Variants in TANC2 observed in about 807,000 individuals in gnomAD.
The protein encoded by TANC2 is tetratricopeptide repeat, ankyrin repeat and coiled-coil containing 2.
A neutral mutation model predicts 210.5 loss-of-function variants in TANC2; 26 were observed. The ratio of observed to expected loss-of-function variants is 0.12; its 90% CI spans 0.09 to 0.17. The LOEUF (loss-of-function observed/expected upper bound fraction) is 0.17, where lower values mean the gene tolerates loss of function less well. Ranked by LOEUF, TANC2 falls within the 10% of genes least tolerant of loss-of-function variation. TANC2 has a pLI of 1.00. For missense variants in TANC2, 2,129 were observed against 2,608.9 expected (o/e 0.82, Z 4.01); for synonymous variants, 931 against 967.1 (o/e 0.96, Z 0.69).
intron 4 of TANC2, among the ~76,000 whole-genome samples, chr17:63,146,245 GA>G (rs1262167784): frequency 8.6e-5 from 13 of 151,918 alleles, no homozygotes; most frequent in African/African-American, 3.1e-4. Context: ...ACTAACTTGT[GA>G]GTTGATTATG....
intron 4 of TANC2, among the ~76,000 whole-genome samples, chr17:63,137,439 T>C (rs1211777618): frequency 6.6e-6 from 1 of 152,248 alleles, no homozygotes; most frequent in Non-Finnish European, 1.5e-5. Context: ...GTTTCCCTTG[T>C]AATTCTTCTT....
intron 4 of TANC2, among the ~76,000 whole-genome samples, chr17:63,103,726 G>A (rs2037718020): frequency 6.6e-6 from 1 of 152,172 alleles, no homozygotes; most frequent in Non-Finnish European, 1.5e-5. Flanking sequence ...TGCTTTTCAT[G>A]TTAGATACCA....
At position 63,322,492 on chromosome 17, in the gene TANC2, C is replaced by T. The variant is rs529220841; in HGVS notation, c.1575+3402C>T. On this transcript the variant is annotated intron_variant, in intron 11 of 27. Transcript: ENST00000689528. ...CAGCCTGGGCGACAGAGCAAGACTACGTCTCAAAAAAAAAGAACAGACTAA... is the reference window on the plus strand; with the variant it reads ...CAGCCTGGGCGACAGAGCAAGACTATGTCTCAAAAAAAAAGAACAGACTAA... 1.9e-4 allele frequency among the ~76,000 whole-genome samples: 29 copies of T among 151,772 alleles called. No homozygotes were observed. The South Asian group carries it at 4.8e-3, about 25-fold the overall frequency.
At chr17:63,221,310 G>T (rs898960277) in intron 7 of TANC2, among the ~76,000 whole-genome samples, 1 of 151,764 alleles carries the variant, frequency 6.6e-6, no homozygotes, top group Non-Finnish European at 1.5e-5. Flanking sequence ...GGTGGTGGTG[G>T]TGTGTGCCTG....
chr17:63,130,342 G>C (rs1567749030), intron 4 of TANC2, among the ~76,000 whole-genome samples: 1 of 151,678 alleles, frequency 6.6e-6, no homozygotes, highest in Non-Finnish European at 1.5e-5. Context: ...TGAAACCCCA[G>C]CTCTACTAAA....
At chr17:62,988,740 T>G (rs1480686153) in intron 1 of TANC2, among the ~76,000 whole-genome samples, 1 of 152,186 alleles carries the variant, frequency 6.6e-6, no homozygotes, top group Non-Finnish European at 1.5e-5. Flanking sequence ...AATAAGATGA[T>G]TCTCACCGAG....
intron 7 of TANC2, among the ~76,000 whole-genome samples, chr17:63,227,925 G>A (rs949092438): frequency 9.9e-5 from 15 of 152,118 alleles, no homozygotes; most frequent in Middle Eastern, 3.4e-3. Context: ...GTGCAGTGCT[G>A]CAATCTCGGC....
intron 4 of TANC2, among the ~76,000 whole-genome samples, chr17:63,113,668 T>C (rs1371843578): frequency 1.3e-5 from 2 of 152,008 alleles, no homozygotes; most frequent in Non-Finnish European, 2.9e-5. Context: ...CCACCATACC[T>C]GGCTAATTTT....
intron 8 of TANC2, among the ~76,000 whole-genome samples, chr17:63,248,424 T>C (rs2042973149): frequency 1.3e-5 from 2 of 152,174 alleles, no homozygotes; most frequent in South Asian, 4.1e-4. Flanking sequence ...CTTATTCAGA[T>C]CCAACTTTTA....
chr17:63,195,125 T>A (rs1226979586), intron 6 of TANC2, among the ~76,000 whole-genome samples: 1 of 152,194 alleles, frequency 6.6e-6, no homozygotes, highest in Non-Finnish European at 1.5e-5. Flanking sequence ...TCCAGGGTGC[T>A]GTCCTCAAGC....
intron 7 of TANC2, among the ~76,000 whole-genome samples, chr17:63,228,232 A>G (rs116935846): frequency 0.016 from 2,410 of 152,248 alleles, 40 homozygotes; most frequent in Admixed American, 0.029. Context: ...CAAAAATCAG[A>G]TGATTGTAGA....
chr17:63,404,768 C>G (rs1001504316), intron 19 of TANC2, among the ~76,000 whole-genome samples: 1 of 152,074 alleles, frequency 6.6e-6, no homozygotes, highest in Non-Finnish European at 1.5e-5. Flanking sequence ...TCTTTAGATT[C>G]CACCCACACG....
In TANC2 at chr17:63,412,697, A is replaced by T. The variant is rs1567998675; in HGVS notation, c.3916A>T (p.Ser1306Cys). Residue 1306 changes from serine (S) to cysteine (C), a missense_variant, in exon 24 of 28, where the codon AGT (serine) becomes TGT (cysteine). Physicochemically the swap from Ser to Cys is moderately radical, Grantham distance 112. Around this residue, in one of 5 missense-constraint regions of TANC2, gnomAD observed 644 missense variants for 937.5 expected, o/e 0.69. Coordinates refer to ENST00000689528, the Ensembl canonical transcript of TANC2. The surrounding 1 kb of genome is among the most constrained non-coding windows in gnomAD (Gnocchi z 4.2). ...CTTTGAAGGTTGTCAGACGTTACCG[A>T]GTCGCCCACGAGGTATATTTCACCG... 6.5e-7 allele frequency: 1 copy of T among 1,533,462 alleles called. No individual in the cohort carries two copies. The highest frequency in any genetic ancestry group is 8.7e-7 in the Non-Finnish European group (1 of 1,146,576). The allele number at this position is 1,533,462 out of a possible 1,614,324, so 95.0% of individuals were successfully genotyped here.
chr17:63,346,414 A>G (rs1042400393), intron 12 of TANC2, among the ~76,000 whole-genome samples: 21 of 152,344 alleles, frequency 1.4e-4, no homozygotes, highest in Middle Eastern at 6.8e-3. Flanking sequence ...GTAGAATGCA[A>G]ACAGTTCAGT....
chr17:63,295,531 G>A (rs532707325), intron 9 of TANC2, among the ~76,000 whole-genome samples: 7 of 152,264 alleles, frequency 4.6e-5, no homozygotes, highest in East Asian at 1.9e-4. Context: ...AGAAAGCAAC[G>A]AAGTCTCTGA....
intron 11 of TANC2, among the ~76,000 whole-genome samples, chr17:63,335,980 G>A (rs1324831640): frequency 2.0e-5 from 3 of 151,984 alleles, no homozygotes; most frequent in African/African-American, 4.8e-5. Context: ...AAAAAAAATG[G>A]TAGGGCTCCA....
intron 15 of TANC2, 69 bp downstream of exon 15, chr17:63,379,895 C>CT: frequency 7.4e-7 from 1 of 1,345,122 alleles, no homozygotes; most frequent in Non-Finnish European, 1.0e-6. Flanking sequence ...ATGTAAGAGA[C>CT]TATTTCAGTG....
At chr17:63,127,491 T>C (rs890169887) in intron 4 of TANC2, among the ~76,000 whole-genome samples, 2 of 152,214 alleles carry the variant, frequency 1.3e-5, no homozygotes, top group Non-Finnish European at 2.9e-5. Flanking sequence ...CCAAATCATT[T>C]ATTATTGAGA....
chr17:63,317,023 C>G (rs2146607565), intron 10 of TANC2, among the ~76,000 whole-genome samples: 1 of 151,570 alleles, frequency 6.6e-6, no homozygotes, highest in South Asian at 2.1e-4. Context: ...TCATATTAAG[C>G]TTGGATGGGT....
Sources: allele counts gnomAD v4.1 joint callset (sites outside exome capture counted in the v4.1 genomes callset), GRCh38; gene constraint gnomAD v4.1.1; regional missense constraint gnomAD v4.1.1; non-coding constraint Gnocchi (gnomAD v3.1); transcripts MANE v1.5; gene names NCBI Gene and HGNC (gene_info 2026-07-23, HGNC 2026-07-21).